The following MTUS1 variants were observed in gnomAD, a reference collection of about 807,000 sequenced individuals.
The protein encoded by MTUS1 is microtubule associated scaffold protein 1.
Under a neutral mutation model 120.8 loss-of-function variants are expected in MTUS1, and 109 were observed. The observed-to-expected ratio is 0.90, with a 90% CI of 0.77 to 1.06. The LOEUF (loss-of-function observed/expected upper bound fraction) is 1.06, where lower values mean the gene tolerates loss of function less well. MTUS1 is among the 50% of genes least tolerant of loss of function. The pLI, the probability that MTUS1 is intolerant of heterozygous loss-of-function variation, is 0.00. For synonymous variants in MTUS1, 737 were observed against 550.5 expected, an observed-to-expected ratio of 1.34 and a Z score of -4.74; for missense variants, 2,210 against 1,486.3, an observed-to-expected ratio of 1.49 and a Z score of -8.01.
In MTUS1 at chr8:17,645,696, GAAATCTTTTTTT is replaced by G. The variant is rs1216550575; in HGVS notation, c.*218_*229del. The G allele has an allele frequency of 2.0e-6, 1 of 507,756 alleles. No homozygotes were observed. Among genetic ancestry groups the G allele is most frequent in the South Asian group, 3.7e-5 (1 of 26,714 alleles). The allele number at this position is 507,756 out of a possible 1,614,324, so 31.5% of individuals were successfully genotyped here. A position where few individuals can be genotyped will look rare whatever the true frequency, so the allele number is the denominator to read the frequency against. ...GTGCAACAACGTCCGTGTCGATGCC[GAAATCTTTTTTT>G]AAATCTTTTTTTGGAGGAATCTTTT... On this transcript the variant is annotated 3_prime_UTR_variant, in exon 15 of 15. Coordinates refer to ENST00000693296, the MANE Select transcript of MTUS1 (RefSeq NM_001363059.2).
In MTUS1 at chr8:17,754,091, T is replaced by C. The variant is rs765602543; in HGVS notation, c.1717A>G (p.Lys573Glu). ...TTATTAAACTGCTGCTTATGTGTCT[T>C]GTTAATTAGAATTTCTGCTTTTTTG... ...ADKKAEILINKTHKQQFNKLI... is the reference protein window; with the variant it reads ...ADKKAEILINETHKQQFNKLI... The change falls in exon 2 of 15, where the codon AAG becomes GAG. Residue 573 changes from lysine (K) to glutamate (E), a missense_variant. Lys to Glu is a moderately conservative substitution (Grantham distance 56, BLOSUM62 1). Coordinates refer to ENST00000693296, the MANE Select transcript of MTUS1 (RefSeq NM_001363059.2). 1.2e-6 allele frequency: 2 copies of C among 1,614,074 alleles called. No individual in the cohort carries two copies. The highest frequency in any genetic ancestry group is 1.1e-5 in the South Asian group (1 of 91,072).
At chr8:17,786,385 T>G (rs906914569) in intron 1 of MTUS1, among the ~76,000 whole-genome samples, 2 of 151,940 alleles carry the variant, frequency 1.3e-5, no homozygotes, top group African/African-American at 4.8e-5. Context: ...AGGCACCATC[T>G]CAGATAAAAG....
intron 9 of MTUS1, 36 bp downstream of exon 9, chr8:17,655,827 A>C (rs752507033): frequency 1.9e-6 from 3 of 1,583,428 alleles, no homozygotes. Flanking sequence ...TAAGCAGCAG[A>C]GGCCTCAGAC....
rs1362827729 is a variant in MTUS1 at position 17,655,856 on chromosome 8, C to T, written c.3108+7G>A. The T allele has an allele frequency of 1.2e-6, 2 of 1,614,090 alleles. No homozygotes were observed. Among genetic ancestry groups the T allele is most frequent in the Non-Finnish European group, 8.5e-7 (1 of 1,179,944 alleles). On this transcript the variant is annotated splice_region_variant and intron_variant, in intron 9 of 14. Coordinates refer to ENST00000693296, the MANE Select transcript of MTUS1 (RefSeq NM_001363059.2). Reference sequence around the variant, plus strand: ...CTCAGACAAGCTCTGGCTGCAAAAGCACAGACCTGCTCTTGCAATTGCATT... The same window carrying T: ...CTCAGACAAGCTCTGGCTGCAAAAGTACAGACCTGCTCTTGCAATTGCATT...
At chr8:17,710,013 A>G (rs1013578652) in intron 6 of MTUS1, among the ~76,000 whole-genome samples, 1 of 152,096 alleles carries the variant, frequency 6.6e-6, no homozygotes, top group Non-Finnish European at 1.5e-5. Context: ...TCTCAAAAAA[A>G]AAAAACACCT....
chr8:17,758,440 C>T (rs564510905), intron 1 of MTUS1, among the ~76,000 whole-genome samples: 1 of 152,234 alleles, frequency 6.6e-6, no homozygotes, highest in African/African-American at 2.4e-5. Flanking sequence ...ATTTGTGAAC[C>T]CTTTTTACCA....
intron 7 of MTUS1, among the ~76,000 whole-genome samples, chr8:17,684,038 G>C (rs148889250): frequency 6.6e-6 from 1 of 152,162 alleles, no homozygotes; most frequent in Non-Finnish European, 1.5e-5. Context: ...GCTAATGCTA[G>C]TTTAGGTCTA....
At chr8:17,688,059 C>G (rs1242477828) in intron 6 of MTUS1, among the ~76,000 whole-genome samples, 1 of 152,190 alleles carries the variant, frequency 6.6e-6, no homozygotes, top group Non-Finnish European at 1.5e-5. Flanking sequence ...CCACACATTT[C>G]CTCAATCTGC....
chr8:17,794,088 G>A (rs2052019973), intron 1 of MTUS1, among the ~76,000 whole-genome samples: 1 of 152,166 alleles, frequency 6.6e-6, no homozygotes, highest in Non-Finnish European at 1.5e-5. Flanking sequence ...AGCACTTTGG[G>A]AGGCCAAGGC....
rs542747706 is a variant in MTUS1, at chr8:17,721,715, T to G, written c.2449+1957A>C. On this transcript the variant is annotated intron_variant, in intron 4 of 14. Coordinates refer to ENST00000693296, the MANE Select transcript of MTUS1 (RefSeq NM_001363059.2). ...AAACCAGAAATCGTCGACCTACTTT[T>G]TTTCCCAGTAAACGTGGCTAACAAA... 1.1e-5 allele frequency: 17 copies of G among 1,556,470 alleles called. No homozygotes were observed. In the East Asian group the frequency reaches 3.6e-4, roughly 33 times the overall value.
intron 4 of MTUS1, chr8:17,721,829 G>A (rs766380556): frequency 1.9e-6 from 3 of 1,614,014 alleles, no homozygotes; most frequent in South Asian, 1.1e-5. Flanking sequence ...GGTGGGGTGA[G>A]TGTAGAATTG....
chr8:17,732,812 T>C (rs563702916), intron 3 of MTUS1, among the ~76,000 whole-genome samples: 1 of 152,106 alleles, frequency 6.6e-6, no homozygotes, highest in South Asian at 2.1e-4. Flanking sequence ...CCCAATCCAA[T>C]CTAAGCAAAC....
intron 3 of MTUS1, among the ~76,000 whole-genome samples, chr8:17,725,045 C>T (rs954949027): frequency 2.0e-5 from 3 of 152,072 alleles, no homozygotes; most frequent in African/African-American, 7.2e-5. Context: ...TGTAAACCAC[C>T]CCACCCAGCC....
intron 1 of MTUS1, among the ~76,000 whole-genome samples, chr8:17,756,930 A>C (rs1054797830): frequency 6.6e-6 from 1 of 152,140 alleles, no homozygotes; most frequent in Non-Finnish European, 1.5e-5. Flanking sequence ...AGCCTCCAAA[A>C]CTGTGAGAAA....
At chr8:17,651,582 G>C (rs569449126) in intron 12 of MTUS1, 5 of 148,390 alleles carry the variant, frequency 3.4e-5, no homozygotes, top group Non-Finnish European at 5.9e-5. Context: ...ATTTTTGTTA[G>C]AGGGAAATGG....
At chr8:17,715,530 C>G (rs757271415) in intron 5 of MTUS1, among the ~76,000 whole-genome samples, 1 of 152,170 alleles carries the variant, frequency 6.6e-6, no homozygotes, top group Non-Finnish European at 1.5e-5. Flanking sequence ...TTTGCTGTTT[C>G]TACCTTATAC....
intron 3 of MTUS1, among the ~76,000 whole-genome samples, chr8:17,732,786 T>C (rs955242691): frequency 2.0e-4 from 30 of 152,232 alleles, no homozygotes; most frequent in Non-Finnish European, 4.1e-4. Context: ...CCGTGACTCC[T>C]CCCTTTGCTC....
At chr8:17,654,434 G>C in intron 10 of MTUS1, 127 bp downstream of exon 10, 1 of 670,436 alleles carries the variant, frequency 1.5e-6, no homozygotes, top group East Asian at 2.7e-5. Context: ...AAGGAACCAA[G>C]AACACCCCAG....
intron 7 of MTUS1, chr8:17,681,618 G>C (rs1273917552): frequency 3.2e-5 from 5 of 154,790 alleles, no homozygotes; most frequent in Admixed American, 6.5e-5. Context: ...CTTTTGGCAT[G>C]ATGGCAAAAC....
Sources: gnomAD v4.1 joint callset for allele counts (sites outside exome capture counted in the v4.1 genomes callset) on GRCh38, gnomAD v4.1.1 for gene constraint, MANE v1.5 for transcripts, NCBI Gene and HGNC (gene_info 2026-07-23, HGNC 2026-07-21) for gene names.